The following CNGA1 variants were observed in gnomAD, a reference collection of about 807,000 sequenced individuals.
CNGA1 encodes cyclic nucleotide-gated channel alpha-1.
A neutral mutation model predicts 69.7 loss-of-function variants in CNGA1; 53 were observed. The ratio of observed to expected loss-of-function variants is 0.76; its 90% CI spans 0.61 to 0.96. The LOEUF (loss-of-function observed/expected upper bound fraction) is 0.96, where lower values mean the gene tolerates loss of function less well. CNGA1 is among the 40% of genes least tolerant of loss of function. The pLI is 0.00. For missense variants in CNGA1, 739 were observed against 811.2 expected, an observed-to-expected ratio of 0.91 and a Z score of 1.08; for synonymous variants, 249 against 283.5, an observed-to-expected ratio of 0.88 and a Z score of 1.22.
chr4:47,962,141 T>G (rs1740475785), intron 3 of CNGA1, among the ~76,000 whole-genome samples: 1 of 152,024 alleles, frequency 6.6e-6, no homozygotes, highest in Non-Finnish European at 1.5e-5. Context: ...GTCAGGAGAT[T>G]GAGACCATCC....
chr4:47,961,777 A>G (rs1740453993), intron 3 of CNGA1, among the ~76,000 whole-genome samples: 2 of 152,182 alleles, frequency 1.3e-5, no homozygotes, highest in South Asian at 2.1e-4. Flanking sequence ...CAGCTGTTGT[A>G]GCTACTGAGC....
intron 1 of CNGA1, chr4:48,012,958 A>AAC (rs1274148580): frequency 6.6e-6 from 1 of 152,104 alleles, no homozygotes; most frequent in African/African-American, 2.4e-5. Context: ...AACAAAACAA[A>AAC]AAAAAAAACA....
rs539608360 is a variant in CNGA1 at position 47,942,910 on chromosome 4, C to T, written c.437+271G>A. The T allele has an allele frequency of 1.1e-5, 3 of 282,218 alleles. No individual in the cohort carries two copies. In the South Asian group the frequency reaches 2.2e-4, roughly 20 times the overall value. The allele number at this position is 282,218 out of a possible 1,614,324, so 17.5% of individuals were successfully genotyped here. A position where few individuals can be genotyped will look rare whatever the true frequency, so the allele number is the denominator to read the frequency against. ...CAGCGATAAGTTATCTTCACCAATG[C>T]TTAGGGAAGAGAATTAACCCTAGCA... On this transcript the variant is annotated intron_variant, in intron 8 of 10. Transcript: ENST00000514170.
intron 2 of CNGA1, among the ~76,000 whole-genome samples, chr4:47,987,532 AG>A (rs1742027179): frequency 6.6e-6 from 1 of 152,206 alleles, no homozygotes. Flanking sequence ...TACTATGCAT[AG>A]TCATTCATTC....
intron 3 of CNGA1, among the ~76,000 whole-genome samples, chr4:47,960,900 A>G (rs1316729356): frequency 6.6e-6 from 1 of 152,198 alleles, no homozygotes; most frequent in African/African-American, 2.4e-5. Flanking sequence ...TAGTTGTCTA[A>G]GGGGGGTGAA....
chr4:48,009,464 CAAAA>C (rs3033844), intron 2 of CNGA1, among the ~76,000 whole-genome samples: 3 of 102,340 alleles, frequency 2.9e-5, no homozygotes, highest in Admixed American at 9.8e-5. Flanking sequence ...GAGTCTGTCT[CAAAA>C]AAAAAAAAAA....
At chr4:47,976,430 C>G (rs920299548) in intron 3 of CNGA1, among the ~76,000 whole-genome samples, 1 of 150,298 alleles carries the variant, frequency 6.7e-6, no homozygotes, top group African/African-American at 2.4e-5. Context: ...GGTCAAGAAA[C>G]TTACTTCGTT....
chr4:47,947,277 GTC>G (rs1739452676), intron 6 of CNGA1, among the ~76,000 whole-genome samples: 1 of 152,184 alleles, frequency 6.6e-6, no homozygotes. Flanking sequence ...AATGGTCTGT[GTC>G]TGCACCACAG....
Position 47,937,735 on chromosome 4 carries a change from C to A in CNGA1, c.747G>T (p.Leu249=). The A allele has an allele frequency of 6.2e-7, 1 of 1,613,860 alleles. No individual in the cohort carries two copies. Among genetic ancestry groups the A allele is most frequent in the South Asian group, 1.1e-5 (1 of 91,060 alleles). Residue 249 remains leucine (L), a synonymous_variant, in exon 11 of 11, where the codon CTG becomes CTT. Coordinates refer to ENST00000514170, the MANE Select transcript of CNGA1 (RefSeq NM_001379270.1). ...NLQFKLDVLS[L]IPTDLLYFKL... ...TAAAATACAGCAAATCAGTTGGTAT[C>A]AGTGACAGAACATCAAGTTTAAATT...
chr4:47,951,152 T>C (rs528895084), intron 5 of CNGA1, among the ~76,000 whole-genome samples: 38 of 151,870 alleles, frequency 2.5e-4, no homozygotes, highest in Admixed American at 9.2e-4. Flanking sequence ...GCAGAGGCAT[T>C]TGCCGAGCTT....
At chr4:47,988,981 T>TA (rs1278822068) in intron 2 of CNGA1, among the ~76,000 whole-genome samples, 23 of 143,928 alleles carry the variant, frequency 1.6e-4, no homozygotes, top group African/African-American at 3.7e-4. Flanking sequence ...TTCTTAGTTT[T>TA]AAAAAAAAAA....
chr4:47,945,749 T>A (rs1002178695), intron 6 of CNGA1, among the ~76,000 whole-genome samples: 2 of 152,180 alleles, frequency 1.3e-5, no homozygotes, highest in Non-Finnish European at 2.9e-5. Context: ...TTGTATAAAA[T>A]CATGCATGGA....
At chr4:47,992,657 ATTATTTAT>A (rs144346141) in intron 2 of CNGA1, among the ~76,000 whole-genome samples, 21,874 of 145,272 alleles carry the variant, frequency 0.15, 1,853 homozygotes, top group Middle Eastern at 0.22. Context: ...GATGCCATTT[ATTATTTAT>A]TTATTTATTT....
intron 3 of CNGA1, among the ~76,000 whole-genome samples, chr4:47,968,589 C>T (rs1363316162): frequency 2.0e-5 from 3 of 152,140 alleles, no homozygotes; most frequent in Non-Finnish European, 4.4e-5. Context: ...AATAATAGGA[C>T]ACTCCTACTG....
At chr4:47,994,934 T>A (rs1468957362) in intron 2 of CNGA1, among the ~76,000 whole-genome samples, 1 of 152,190 alleles carries the variant, frequency 6.6e-6, no homozygotes, top group Non-Finnish European at 1.5e-5. Context: ...CCTTCATATA[T>A]GAAGCTTGGC....
At chr4:47,958,181 C>T (rs1235427800) in intron 3 of CNGA1, among the ~76,000 whole-genome samples, 2 of 152,068 alleles carry the variant, frequency 1.3e-5, no homozygotes, top group Non-Finnish European at 2.9e-5. Context: ...GCCACCGTGC[C>T]TGGCCATGTT....
At chr4:47,996,388 C>G (rs955967373) in intron 2 of CNGA1, among the ~76,000 whole-genome samples, 7 of 152,064 alleles carry the variant, frequency 4.6e-5, no homozygotes, top group African/African-American at 1.7e-4. Context: ...AGATTTGCAT[C>G]CTGGTTTGCT....
chr4:47,952,748 AT>A, intron 3 of CNGA1, 45 bp from the exon 4 acceptor site: 1 of 1,406,408 alleles, frequency 7.1e-7, no homozygotes, highest in Non-Finnish European at 9.6e-7. Context: ...ATTTTTATAT[AT>A]TTACATATAT....
chr4:47,958,199 T>TAACAA (rs1287914407), intron 3 of CNGA1, among the ~76,000 whole-genome samples: 1 of 152,156 alleles, frequency 6.6e-6, no homozygotes, highest in Non-Finnish European at 1.5e-5. Context: ...GTTTGTAATT[T>TAACAA]TTATATACAC....
Sources: gnomAD v4.1 joint callset for allele counts (sites outside exome capture counted in the v4.1 genomes callset) on GRCh38, gnomAD v4.1.1 for gene constraint, MANE v1.5 for transcripts, NCBI Gene and HGNC (gene_info 2026-07-23, HGNC 2026-07-21) for gene names.